The following TEX101 variants were observed in gnomAD, a reference collection of about 807,000 sequenced individuals.
The protein encoded by TEX101 is testis-expressed protein 101.
TEX101 carries 10 observed loss-of-function variants against 18.1 expected under a neutral mutation model. The ratio of observed to expected loss-of-function variants is 0.55; its 90% CI spans 0.34 to 0.94. TEX101 has a LOEUF of 0.94. TEX101 is among the 40% of genes least tolerant of loss of function. TEX101 has a pLI of 0.02. For synonymous variants in TEX101, 94 were observed against 114.8 expected, an observed-to-expected ratio of 0.82 and a Z score of 1.16; for missense variants, 259 against 298.9, an observed-to-expected ratio of 0.87 and a Z score of 0.98.
chr19:43,413,679 G>A (rs1338216939), upstream of TEX101, among the ~76,000 whole-genome samples: 2 of 152,232 alleles, frequency 1.3e-5, no homozygotes, highest in East Asian at 1.9e-4. Flanking sequence ...TAGGCCAGGG[G>A]TGGTGGCTCA....
At chr19:43,392,018 GACA>G in the TEX101 span, among the ~76,000 whole-genome samples, 1 of 152,174 alleles carries the variant, frequency 6.6e-6, no homozygotes, top group African/African-American at 2.4e-5. Flanking sequence ...AATACAGATG[GACA>G]ACATGAAGCC....
At chr19:43,393,570 T>C in the TEX101 span, among the ~76,000 whole-genome samples, 19,094 of 151,004 alleles carry the variant, frequency 0.13, 1,368 homozygotes, top group African/African-American at 0.19. Context: ...ATTATCATGA[T>C]GGCTTCCAGT....
At chr19:43,405,403 C>A (rs1345035026) in intron 2 of TEX101, among the ~76,000 whole-genome samples, 1 of 151,464 alleles carries the variant, frequency 6.6e-6, no homozygotes, top group South Asian at 2.1e-4. Flanking sequence ...TATAATGAAA[C>A]CCCATCTCTA....
At chr19:43,402,238 G>A (rs934122040) in intron 1 of TEX101, among the ~76,000 whole-genome samples, 23 of 152,204 alleles carry the variant, frequency 1.5e-4, no homozygotes, top group African/African-American at 5.3e-4. Flanking sequence ...TTCATTTGAA[G>A]TTTTTAGACA....
chr19:43,416,495 G>C lies in TEX101; in HGVS notation c.331G>C (p.Asp111His). 2.5e-6 allele frequency: 4 copies of C among 1,614,182 alleles called. No homozygotes were observed. The highest frequency in any genetic ancestry group is 3.4e-6 in the Non-Finnish European group (4 of 1,180,026). The change falls in exon 4 of 6, where the codon GAT (aspartate) becomes CAT (histidine). Residue 111 changes from aspartate (D) to histidine (H), a missense_variant. Physicochemically the swap from Asp to His is moderately conservative, Grantham distance 81. Transcript: ENST00000598265. ...IVTSYSNYCEDSFCNDKDSLS... is the reference protein window; with the variant it reads ...IVTSYSNYCEHSFCNDKDSLS... ...GACCTCCTACAGTAACTACTGTGAG[G>C]ATTCCTTCTGTAATGACAAAGACAG...
At position 43,416,370 on chromosome 19, in the gene TEX101, CAG is replaced by C. The variant is rs1970477348; in HGVS notation, c.209-2_209-1del. 1 of 1,611,908 alleles carries C rather than the reference CAG, an allele frequency of 6.2e-7. No individual in the cohort carries two copies. The highest frequency in any genetic ancestry group is 1.7e-5 in the Admixed American group (1 of 59,858). ...ATTTCCCCTCCTTCCTGTCTCATAA[CAG>C]GGACTGAGACAGCCATTTTGGCCAC... is the stretch of plus-strand genomic sequence containing the variant. On this transcript the variant is annotated splice_acceptor_variant, in intron 3 of 5. Coordinates refer to ENST00000598265, the MANE Select transcript of TEX101 (RefSeq NM_001130011.3). LOFTEE classifies it high-confidence loss of function.
At chr19:43,400,436 G>A (rs1331506486), upstream of TEX101, among the ~76,000 whole-genome samples, 1 of 152,134 alleles carries the variant, frequency 6.6e-6, no homozygotes, top group Non-Finnish European at 1.5e-5. Context: ...TAAATGCATT[G>A]GTTTCATATT....
upstream of TEX101, among the ~76,000 whole-genome samples, chr19:43,401,071 C>T (rs571442604): frequency 1.6e-4 from 25 of 152,268 alleles, no homozygotes; most frequent in South Asian, 5.2e-3. Context: ...CTGCACCTTC[C>T]ATCATGATGC....
intron 5 of TEX101, 51 bp downstream of exon 5, chr19:43,418,057 G>A: frequency 6.2e-7 from 1 of 1,613,724 alleles, no homozygotes; most frequent in Non-Finnish European, 8.5e-7. Flanking sequence ...AACCATTTGA[G>A]TGGCTCCCCA....
At chr19:43,395,804 C>G in the TEX101 span, among the ~76,000 whole-genome samples, 4 of 152,098 alleles carry the variant, frequency 2.6e-5, no homozygotes, top group African/African-American at 4.8e-5. Flanking sequence ...AGGCAGGAGC[C>G]TCCGTGGCTC....
chr19:43,417,492 C>T (rs1245926198), intron 4 of TEX101, among the ~76,000 whole-genome samples: 1 of 152,188 alleles, frequency 6.6e-6, no homozygotes, highest in African/African-American at 2.4e-5. Flanking sequence ...GTTCATCCTC[C>T]ATGTCAATTC....
chr19:43,413,394 C>T (rs939516952), upstream of TEX101, among the ~76,000 whole-genome samples: 49 of 150,172 alleles, frequency 3.3e-4, no homozygotes, highest in Non-Finnish European at 3.7e-4. Flanking sequence ...CCCAGCTACT[C>T]GGGAGGCGGA....
At chr19:43,416,736 G>A (rs893423898) in intron 4 of TEX101, among the ~76,000 whole-genome samples, 181 bp downstream of exon 4, 5 of 152,158 alleles carry the variant, frequency 3.3e-5, no homozygotes, top group Admixed American at 6.6e-5. Flanking sequence ...TCAGAGCAGC[G>A]AGATACCAGT....
At chr19:43,396,826 ATTTTTTTTTTTTTTT>A (rs1202828153), upstream of TEX101, among the ~76,000 whole-genome samples, 4 of 82,874 alleles carry the variant, frequency 4.8e-5, no homozygotes, top group Admixed American at 6.4e-4. Context: ...TGTTTTCAGC[ATTTTTTTTTTTTTTT>A]TTTTTTTTTT....
chr19:43,400,003 CAG>C (rs1164511796), upstream of TEX101, among the ~76,000 whole-genome samples: 2 of 151,992 alleles, frequency 1.3e-5, no homozygotes, highest in Admixed American at 6.6e-5. Context: ...TTAGTAAAGA[CAG>C]GGTTTCACCA....
the TEX101 span, among the ~76,000 whole-genome samples, chr19:43,389,258 T>C: frequency 1.3e-5 from 2 of 152,224 alleles, no homozygotes; most frequent in African/African-American, 4.8e-5. Flanking sequence ...AAGTTCATTT[T>C]CCCAGCACTC....
At chr19:43,400,779 C>T (rs1041168330), upstream of TEX101, among the ~76,000 whole-genome samples, 1 of 152,144 alleles carries the variant, frequency 6.6e-6, no homozygotes, top group African/African-American at 2.4e-5. Context: ...CCTGGTTACA[C>T]AATCAAACTA....
chr19:43,393,696 A>G, the TEX101 span, among the ~76,000 whole-genome samples: 9 of 152,276 alleles, frequency 5.9e-5, no homozygotes, highest in Admixed American at 5.9e-4. Context: ...TTGTACACTC[A>G]TAACATGGAT....
upstream of TEX101, among the ~76,000 whole-genome samples, chr19:43,400,788 TA>T (rs556939265): frequency 5.3e-5 from 8 of 152,344 alleles, no homozygotes; most frequent in East Asian, 1.5e-3. Context: ...ACAATCAAAC[TA>T]TTAAGCAAAA....
Sources: allele counts gnomAD v4.1 joint callset (sites outside exome capture counted in the v4.1 genomes callset), GRCh38; gene constraint gnomAD v4.1.1; transcripts MANE v1.5; gene names NCBI Gene and HGNC (gene_info 2026-07-23, HGNC 2026-07-21).